Variants in PDE9A observed in about 807,000 individuals in gnomAD.
PDE9A encodes phosphodiesterase 9A, also known as high affinity cGMP-specific 3',5'-cyclic phosphodiesterase 9A.
Under a neutral mutation model 87.4 loss-of-function variants are expected in PDE9A, and 60 were observed. The ratio of observed to expected loss-of-function variants is 0.69; its 90% CI spans 0.56 to 0.85. The LOEUF is 0.85. Among genes scored for constraint, PDE9A ranks in the 40% least tolerant of loss-of-function variants. The probability of loss-of-function intolerance (pLI) is 0.00; values close to 1 mark genes in which losing one functional copy is unlikely to be tolerated. For synonymous variants in PDE9A, 272 were observed against 279.4 expected (o/e 0.97, Z 0.27); for missense variants, 665 against 779.0 (o/e 0.85, Z 1.74).
intron 4 of PDE9A, chr21:42,724,667 G>A (rs1031301518): frequency 1.2e-6 from 1 of 861,024 alleles, no homozygotes; most frequent in African/African-American, 1.8e-5. Flanking sequence ...TGCCCCTGGA[G>A]TGTTCTCACT....
At chr21:42,768,824 G>A (rs543205323) in intron 16 of PDE9A, 23 of 985,444 alleles carry the variant, frequency 2.3e-5, no homozygotes, top group South Asian at 1.4e-4. Flanking sequence ...CTCTCAGGTC[G>A]GTCTTCCCAG....
chr21:42,734,991 G>T (rs570293323), intron 7 of PDE9A, among the ~76,000 whole-genome samples: 1 of 152,222 alleles, frequency 6.6e-6, no homozygotes, highest in East Asian at 1.9e-4. Context: ...GATAACGCAG[G>T]TTAGAAAGCT....
intron 7 of PDE9A, among the ~76,000 whole-genome samples, chr21:42,735,047 A>G (rs2052248228): frequency 6.6e-6 from 1 of 152,208 alleles, no homozygotes; most frequent in African/African-American, 2.4e-5. Flanking sequence ...TTCAACAGAA[A>G]AGGAGTTTTT....
At position 42,772,592 on chromosome 21, in the gene PDE9A, A is replaced by G. The variant is rs2057122256; in HGVS notation, c.1768+72A>G. 4.4e-5 allele frequency: 48 copies of G among 1,080,726 alleles called. No individual in the cohort carries two copies. The South Asian group carries it at 6.5e-4, about 15-fold the overall frequency. 66.9% of individuals were successfully genotyped at this position (1,080,726 alleles called of 1,614,324 possible). A position where few individuals can be genotyped will look rare whatever the true frequency, so the allele number is the denominator to read the frequency against. The stretch of plus-strand genomic sequence containing the variant: ...CTGACAAAGGACAGAAGGAAAGAGG[A>G]AGGGGAGAAAATCTGAATTTTGGAA... On this transcript the variant is annotated intron_variant, in intron 19 of 19. Coordinates refer to ENST00000291539, the MANE Select transcript of PDE9A (RefSeq NM_002606.3).
intron 1 of PDE9A, 41 bp from the exon 2 acceptor site, chr21:42,686,151 C>G (rs1045296830): frequency 5.9e-6 from 9 of 1,531,742 alleles, no homozygotes; most frequent in Non-Finnish European, 7.2e-6. Flanking sequence ...CAGGGAGACC[C>G]GCCGCCCTCG....
At chr21:42,774,839 G>A (rs1160810892) in intron 19 of PDE9A, among the ~76,000 whole-genome samples, 4 of 134,552 alleles carry the variant, frequency 3.0e-5, no homozygotes, top group East Asian at 2.3e-4. Flanking sequence ...CCGAGATCAC[G>A]CCACTGCACC....
rs2058768604 is a variant in PDE9A, at chr21:42,675,034, C to T, written c.70-11158C>T. On this transcript the variant is annotated intron_variant, in intron 1 of 19. Coordinates refer to ENST00000291539, the MANE Select transcript of PDE9A (RefSeq NM_002606.3). This position sits in a 1 kb window ranked among gnomAD's most constrained non-coding sequence, Gnocchi z 4.3. ...AGAAAATAACTCATCCCCCACTACC[C>T]AGAGAAAACCGCTGTTAACACCGAA... is the stretch of plus-strand genomic sequence containing the variant. Among the ~76,000 whole-genome samples the T allele has an allele frequency of 6.6e-6, 1 of 152,182 alleles. No individual in the cohort carries two copies. The highest frequency in any genetic ancestry group is 2.4e-5 in the African/African-American group (1 of 41,436).
intron 4 of PDE9A, among the ~76,000 whole-genome samples, chr21:42,729,507 T>C (rs1225667793): frequency 6.6e-6 from 1 of 152,190 alleles, no homozygotes; most frequent in African/African-American, 2.4e-5. Context: ...TCCCCTATCT[T>C]TGTGATTTCC....
chr21:42,749,918 G>A (rs562728186), intron 8 of PDE9A, among the ~76,000 whole-genome samples: 5 of 152,312 alleles, frequency 3.3e-5, no homozygotes, highest in South Asian at 2.1e-4. Flanking sequence ...CAGGTGGATC[G>A]CTTGAAGTCA....
intron 1 of PDE9A, among the ~76,000 whole-genome samples, chr21:42,670,131 A>G (rs1386615734): frequency 6.6e-6 from 1 of 151,050 alleles, no homozygotes; most frequent in African/African-American, 2.5e-5. Flanking sequence ...TCACAGGCTC[A>G]CACATGCTTA....
At chr21:42,673,477 G>A (rs1209886056) in intron 1 of PDE9A, among the ~76,000 whole-genome samples, 1 of 152,208 alleles carries the variant, frequency 6.6e-6, no homozygotes, top group Non-Finnish European at 1.5e-5. Flanking sequence ...TGAGTCTAGT[G>A]CGGCCCTTTG....
rs540022791 is a variant in PDE9A, at chr21:42,695,240, C to G, written c.219-3728C>G. Reference sequence around the variant, plus strand: ...ACCAACAAATATAAAAAGTCATAGCCCAACCATGATCAAATAAGGCTCCAG... The same window carrying G: ...ACCAACAAATATAAAAAGTCATAGCGCAACCATGATCAAATAAGGCTCCAG... On this transcript the variant is annotated intron_variant, in intron 3 of 19. Coordinates refer to ENST00000291539, the MANE Select transcript of PDE9A (RefSeq NM_002606.3). The surrounding 1 kb of genome is among the most constrained non-coding windows in gnomAD (Gnocchi z 4.3). Among the ~76,000 whole-genome samples, 1 of 152,296 alleles carries G rather than the reference C, an allele frequency of 6.6e-6. No individual in the cohort carries two copies. The highest frequency in any genetic ancestry group is 1.9e-4 in the East Asian group (1 of 5,188).
At chr21:42,735,860 C>T (rs747408828) in intron 7 of PDE9A, among the ~76,000 whole-genome samples, 62 of 152,280 alleles carry the variant, frequency 4.1e-4, no homozygotes, top group East Asian at 5.8e-4. Context: ...CCCACCACAG[C>T]GAGTGTTTGC....
Position 42,659,934 on chromosome 21 carries a change from G to C in PDE9A, c.69+6051G>C, listed in dbSNP as rs2057360093. Among the ~76,000 whole-genome samples, 1 of 152,232 alleles carries C rather than the reference G, an allele frequency of 6.6e-6. No individual in the cohort carries two copies. The highest frequency in any genetic ancestry group is 1.5e-5 in the Non-Finnish European group (1 of 68,036). On this transcript the variant is annotated intron_variant, in intron 1 of 19. Coordinates refer to ENST00000291539, the MANE Select transcript of PDE9A (RefSeq NM_002606.3). This position sits in a 1 kb window ranked among gnomAD's most constrained non-coding sequence, Gnocchi z 4.1. ...CTCAGATGAACTGACATGCAAATGA[G>C]AGATGAAACGGGGACGAGCCGGGCA...
At position 42,660,064 on chromosome 21, in the gene PDE9A, G is replaced by A. The variant is rs1032442015; in HGVS notation, c.69+6181G>A. On this transcript the variant is annotated intron_variant, in intron 1 of 19. Transcript: ENST00000291539. This position sits in a 1 kb window ranked among gnomAD's most constrained non-coding sequence, Gnocchi z 4.7. The stretch of plus-strand genomic sequence containing the variant: ...CAAGACTTCCTGAGAGGCTGGGCCC[G>A]GTAGCCCAGTCCTGGGCTTGCTTCC... Among the ~76,000 whole-genome samples the A allele has an allele frequency of 4.3e-4, 66 of 152,164 alleles. No homozygotes were observed. Among genetic ancestry groups the A allele is most frequent in the Admixed American group, 4.1e-3 (63 of 15,284 alleles).
chr21:42,666,992 G>C (rs191094937), intron 1 of PDE9A, among the ~76,000 whole-genome samples: 1 of 152,168 alleles, frequency 6.6e-6, no homozygotes, highest in Non-Finnish European at 1.5e-5. Context: ...TCGCCCTCCC[G>C]GGCTCCAGGC....
intron 14 of PDE9A, among the ~76,000 whole-genome samples, chr21:42,764,615 G>A (rs930270639): frequency 4.6e-5 from 7 of 152,248 alleles, no homozygotes; most frequent in African/African-American, 1.2e-4. Flanking sequence ...GATCGTTCTC[G>A]TGCCCATCCA....
At chr21:42,732,010 T>G in intron 5 of PDE9A, 60 bp from the exon 6 acceptor site, 7 of 1,611,974 alleles carry the variant, frequency 4.3e-6, no homozygotes, top group Non-Finnish European at 5.9e-6. Flanking sequence ...CGGGCTGCAA[T>G]GGCCTACACA....
At chr21:42,770,575 C>G (rs1025430951) in intron 17 of PDE9A, 128 bp from the exon 18 acceptor site, 5 of 671,398 alleles carry the variant, frequency 7.4e-6, no homozygotes, top group Admixed American at 4.3e-5. Flanking sequence ...AGAGCCGGCA[C>G]GAGGGTGTCC....
Sources: allele counts gnomAD v4.1 joint callset (sites outside exome capture counted in the v4.1 genomes callset), GRCh38; gene constraint gnomAD v4.1.1; non-coding constraint Gnocchi (gnomAD v3.1); transcripts MANE v1.5; gene names NCBI Gene and HGNC (gene_info 2026-07-23, HGNC 2026-07-21).